The following PUDP variants were observed in gnomAD, a reference collection of about 807,000 sequenced individuals.
PUDP encodes pseudouridine-5'-phosphatase.
PUDP carries 8 observed loss-of-function variants against 9.4 expected under a neutral mutation model. The ratio of observed to expected loss-of-function variants is 0.85; its 90% CI spans 0.50 to 1.53. The LOEUF is 1.53. Among genes scored for constraint, PUDP ranks in the 40% most tolerant of loss-of-function variants. The pLI is 0.00. For missense variants in PUDP, 188 were observed against 189.7 expected, an observed-to-expected ratio of 0.99 and a Z score of 0.05; for synonymous variants, 99 against 80.7, an observed-to-expected ratio of 1.23 and a Z score of -1.22.
rs1476450829 is a variant in PUDP at position 7,146,469 on chromosome X, T to C, written c.61+1584A>G. 4.5e-5 allele frequency among the ~76,000 whole-genome samples: 5 copies of C among 111,952 alleles called. No individual in the cohort carries two copies. The East Asian group carries it at 1.4e-3, about 31-fold the overall frequency. On this transcript the variant is annotated intron_variant, in intron 1 of 3. Coordinates refer to ENST00000381077, the MANE Select transcript of PUDP (RefSeq NM_012080.5). ...GACCACCGGAGTAGGAAAATTCATGTCTACAAACTATACCTATGTATCCCA... is the reference window on the plus strand; with the variant it reads ...GACCACCGGAGTAGGAAAATTCATGCCTACAAACTATACCTATGTATCCCA...
At chrX:7,118,778 C>T (rs770225849) in intron 1 of PUDP, among the ~76,000 whole-genome samples, 6 of 111,541 alleles carry the variant, frequency 5.4e-5, no homozygotes, top group Non-Finnish European at 9.4e-5. Flanking sequence ...TGAAAAATCT[C>T]GAGAAGCCAG....
At chrX:7,039,633 G>T (rs528066470) in intron 1 of PUDP, among the ~76,000 whole-genome samples, 1 of 112,207 alleles carries the variant, frequency 8.9e-6, no homozygotes, top group African/African-American at 3.2e-5. Flanking sequence ...CACCATCCCT[G>T]CTGACACCTT....
At chrX:6,711,079 C>G (rs1924527028) in intron 1 of PUDP, among the ~76,000 whole-genome samples, 1 of 111,756 alleles carries the variant, frequency 8.9e-6, no homozygotes, top group African/African-American at 3.3e-5. Context: ...ATCCCCTTCC[C>G]CCTCTGAAGT....
chrX:6,780,031 C>T (rs185898186), intron 3 of PUDP, among the ~76,000 whole-genome samples: 169 of 110,748 alleles, frequency 1.5e-3, no homozygotes, highest in African/African-American at 5.0e-3. Flanking sequence ...TAAAAAGAAA[C>T]AAATATAGAT....
At chrX:6,863,413 A>C (rs1569112968) in intron 3 of PUDP, among the ~76,000 whole-genome samples, 1 of 112,319 alleles carries the variant, frequency 8.9e-6, no homozygotes, top group East Asian at 2.8e-4. Context: ...TGGGGAGGAT[A>C]GTCTCCGGTG....
At chrX:6,882,550 A>G (rs1348642516) in intron 3 of PUDP, among the ~76,000 whole-genome samples, 3 of 111,884 alleles carry the variant, frequency 2.7e-5, no homozygotes, top group African/African-American at 9.8e-5. Flanking sequence ...GATTCAACCT[A>G]TCAAATACAA....
At chrX:6,953,396 T>C (rs1329984783) in intron 3 of PUDP, among the ~76,000 whole-genome samples, 2 of 111,184 alleles carry the variant, frequency 1.8e-5, no homozygotes, top group African/African-American at 6.5e-5. Context: ...TTTGAGCATC[T>C]CAAAAGGTAT....
At chrX:6,793,931 C>G (rs1925795598) in intron 3 of PUDP, among the ~76,000 whole-genome samples, 1 of 111,381 alleles carries the variant, frequency 9.0e-6, no homozygotes, top group Non-Finnish European at 1.9e-5. Flanking sequence ...TACTTCCTCT[C>G]CTTCTCCTGA....
chrX:6,971,477 C>T (rs1428553342), intron 3 of PUDP, among the ~76,000 whole-genome samples: 7 of 104,849 alleles, frequency 6.7e-5, no homozygotes, highest in East Asian at 3.0e-4. Context: ...AGTGCAGTGG[C>T]GCAATCTCGG....
At chrX:6,976,956 T>C (rs1189174153) in intron 3 of PUDP, among the ~76,000 whole-genome samples, 2 of 112,187 alleles carry the variant, frequency 1.8e-5, no homozygotes, top group Admixed American at 9.5e-5. Flanking sequence ...TTAACTAACA[T>C]GTAACCTTGC....
At chrX:6,992,338 T>C (rs990200146) in intron 1 of PUDP, among the ~76,000 whole-genome samples, 6 of 69,140 alleles carry the variant, frequency 8.7e-5, no homozygotes, top group Admixed American at 3.8e-4. Context: ...AGTGGCGCAA[T>C]CTCGGCTCAC....
chrX:7,070,807 A>G (rs1036934105), intron 3 of PUDP, among the ~76,000 whole-genome samples: 1 of 111,972 alleles, frequency 8.9e-6, no homozygotes, highest in South Asian at 3.7e-4. Context: ...CAAACTCCTG[A>G]CCTCAAGTAA....
At chrX:7,130,586 G>A (rs1159324120) in intron 1 of PUDP, among the ~76,000 whole-genome samples, 1 of 111,363 alleles carries the variant, frequency 9.0e-6, no homozygotes, top group Non-Finnish European at 1.9e-5. Flanking sequence ...GGCCGAGGCA[G>A]GTGGATCACT....
upstream of PUDP, among the ~76,000 whole-genome samples, chrX:6,725,946 C>T (rs1334237747): frequency 8.9e-6 from 1 of 111,778 alleles, no homozygotes; most frequent in Admixed American, 9.5e-5. Flanking sequence ...ATCATTGTAT[C>T]AAAAAGACAC....
At chrX:6,740,586 T>A (rs949468983) in intron 3 of PUDP, among the ~76,000 whole-genome samples, 1 of 111,152 alleles carries the variant, frequency 9.0e-6, no homozygotes, top group Non-Finnish European at 1.9e-5. Flanking sequence ...AGTATTGTAA[T>A]CACTTTTTCC....
chrX:7,000,433 T>C (rs1309340318), intron 1 of PUDP, among the ~76,000 whole-genome samples: 1 of 110,671 alleles, frequency 9.0e-6, no homozygotes, highest in East Asian at 2.8e-4. Flanking sequence ...CCACAAATAA[T>C]ACCAAACCAA....
At chrX:6,882,406 C>G (rs920923131) in intron 3 of PUDP, among the ~76,000 whole-genome samples, 4 of 111,446 alleles carry the variant, frequency 3.6e-5, no homozygotes, top group African/African-American at 1.3e-4. Context: ...TAGCCACTCC[C>G]ATTCTATTGA....
chrX:6,878,890 A>G (rs1260296391), intron 3 of PUDP, among the ~76,000 whole-genome samples: 1 of 111,623 alleles, frequency 9.0e-6, no homozygotes, highest in African/African-American at 3.3e-5. Context: ...TTTGCATAGA[A>G]GCATGCCTGG....
chrX:6,861,719 C>T (rs1208040846), intron 3 of PUDP, among the ~76,000 whole-genome samples: 1 of 110,236 alleles, frequency 9.1e-6, no homozygotes, highest in African/African-American at 3.3e-5. Context: ...AGAGCTTATC[C>T]AAGAAGCTCA....
Sources: allele counts gnomAD v4.1 joint callset (sites outside exome capture counted in the v4.1 genomes callset), GRCh38; gene constraint gnomAD v4.1.1; transcripts MANE v1.5; gene names NCBI Gene and HGNC (gene_info 2026-07-23, HGNC 2026-07-21).